Variants in SLC25A31 observed in about 807,000 individuals in gnomAD.
The protein encoded by SLC25A31 is solute carrier family 25 member 31.
A neutral mutation model predicts 36.2 loss-of-function variants in SLC25A31; 40 were observed. That is an observed-to-expected ratio of 1.10 (90% CI 0.86 to 1.44). The LOEUF is 1.44. Ranked by LOEUF, SLC25A31 falls within the 40% of genes most tolerant of loss-of-function variation. The pLI, the probability that SLC25A31 is intolerant of heterozygous loss-of-function variation, is 0.00. For missense variants in SLC25A31, 350 were observed against 397.1 expected, an observed-to-expected ratio of 0.88 and a Z score of 1.01; for synonymous variants, 143 against 149.7, an observed-to-expected ratio of 0.96 and a Z score of 0.32.
intron 3 of SLC25A31, among the ~76,000 whole-genome samples, chr4:127,765,763 A>G (rs1443682832): frequency 6.6e-6 from 1 of 152,216 alleles, no homozygotes; most frequent in Non-Finnish European, 1.5e-5. Context: ...TAGCAGTTTT[A>G]AATAAGTGAT....
intron 3 of SLC25A31, among the ~76,000 whole-genome samples, chr4:127,764,604 A>G (rs1732204595): frequency 6.6e-6 from 1 of 150,946 alleles, no homozygotes; most frequent in Admixed American, 6.6e-5. Flanking sequence ...ACTTAGTCCC[A>G]TTTTTTTTTC....
At chr4:127,772,860 C>CA (rs2148767386) in intron 5 of SLC25A31, among the ~76,000 whole-genome samples, 1 of 150,616 alleles carries the variant, frequency 6.6e-6, no homozygotes, top group Admixed American at 6.6e-5. Flanking sequence ...TGGCTCACTG[C>CA]AACTTTGACC....
At chr4:127,765,807 CA>C (rs981540563) in intron 3 of SLC25A31, among the ~76,000 whole-genome samples, 4 of 151,920 alleles carry the variant, frequency 2.6e-5, no homozygotes, top group African/African-American at 9.7e-5. Flanking sequence ...GCAGTTTGAG[CA>C]AAAATAAAAA....
chr4:127,764,443 T>C, intron 3 of SLC25A31, 83 bp downstream of exon 3: 1 of 1,144,126 alleles, frequency 8.7e-7, no homozygotes, highest in Non-Finnish European at 1.3e-6. Flanking sequence ...TGTGCTATAA[T>C]AGTGTTACCA....
Position 127,767,065 on chromosome 4 carries a change from G to C in SLC25A31, c.479-1G>C, listed in dbSNP as rs35467680. 6.2e-7 allele frequency: 1 copy of C among 1,603,638 alleles called. No homozygotes were observed. The highest frequency in any genetic ancestry group is 1.7e-5 in the Admixed American group (1 of 57,704). ...ATAGATTTTAAATGGCTTTATTTTAGGTCCTGAGGAGCGACAATTCAAGGG... is the reference window on the plus strand; with the variant it reads ...ATAGATTTTAAATGGCTTTATTTTACGTCCTGAGGAGCGACAATTCAAGGG... On this transcript the variant is annotated splice_acceptor_variant, in intron 3 of 5. Transcript: ENST00000281154. LOFTEE classifies it high-confidence loss of function.
chr4:127,744,807 TA>T lies in SLC25A31; in HGVS notation c.360+9del. ...GTTAATAAAGAAAAACAGGTAATTA[TA>T]TTTTTTTTTTACTTTTTTCTTCCAA... is the stretch of plus-strand genomic sequence containing the variant. On this transcript the variant is annotated intron_variant, in intron 2 of 5. Coordinates refer to ENST00000281154, the MANE Select transcript of SLC25A31 (RefSeq NM_031291.4). 2.7e-6 allele frequency: 4 copies of T among 1,469,190 alleles called. No homozygotes were observed. The highest frequency in any genetic ancestry group is 3.7e-6 in the Non-Finnish European group (4 of 1,095,358). The allele number at this position is 1,469,190 out of a possible 1,614,324, so 91.0% of individuals were successfully genotyped here.
intron 2 of SLC25A31, among the ~76,000 whole-genome samples, chr4:127,747,767 G>C (rs1731851345): frequency 6.6e-6 from 1 of 152,144 alleles, no homozygotes; most frequent in Non-Finnish European, 1.5e-5. Flanking sequence ...CCTTGACTCA[G>C]ATTGTTAGTT....
rs114608358 is a variant in SLC25A31, at chr4:127,735,400, A to C, written c.232+4623A>C. Among the ~76,000 whole-genome samples the C allele has an allele frequency of 5.4e-3, 828 of 152,288 alleles. 8 individuals carry two copies. Among genetic ancestry groups the C allele is most frequent in the African/African-American group, 0.019 (794 of 41,556 alleles). ...TTGCTCTAATATCATCTAACATTCA[A>C]GTTTCCCTAACAACCCTATCTAAAT... On this transcript the variant is annotated intron_variant, in intron 1 of 5. Transcript: ENST00000281154.
chr4:127,746,497 T>A (rs1339911620), intron 2 of SLC25A31, among the ~76,000 whole-genome samples: 2 of 152,218 alleles, frequency 1.3e-5, no homozygotes, highest in Non-Finnish European at 2.9e-5. Context: ...TGAGACAGTA[T>A]CACATTGTGG....
chr4:127,753,822 A>G (rs769721523), intron 2 of SLC25A31, among the ~76,000 whole-genome samples: 1 of 152,178 alleles, frequency 6.6e-6, no homozygotes, highest in African/African-American at 2.4e-5. Flanking sequence ...TGAGGTCAGC[A>G]TTACTCTGAT....
chr4:127,752,175 T>C (rs1399095564), intron 2 of SLC25A31, among the ~76,000 whole-genome samples: 1 of 152,098 alleles, frequency 6.6e-6, no homozygotes, highest in Non-Finnish European at 1.5e-5. Context: ...AACCCAAATG[T>C]CCATCAGTGA....
chr4:127,754,861 A>C (rs904033900), intron 2 of SLC25A31, among the ~76,000 whole-genome samples: 2 of 152,230 alleles, frequency 1.3e-5, no homozygotes, highest in African/African-American at 4.8e-5. Context: ...CCACAAAAAG[A>C]ACAGAGCTGG....
At chr4:127,732,109 A>G (rs1578652556) in intron 1 of SLC25A31, among the ~76,000 whole-genome samples, 2 of 152,346 alleles carry the variant, frequency 1.3e-5, no homozygotes, top group East Asian at 3.9e-4. Flanking sequence ...ATCCACCCAT[A>G]TAGTTGGATT....
intron 2 of SLC25A31, among the ~76,000 whole-genome samples, chr4:127,749,891 T>C (rs952325019): frequency 6.6e-6 from 1 of 151,922 alleles, no homozygotes; most frequent in East Asian, 1.9e-4. Flanking sequence ...TAACAAAGAA[T>C]ACTAGGAGAT....
In SLC25A31 at chr4:127,751,471, A is replaced by G. The variant is rs1193518377; in HGVS notation, c.360+6672A>G. Reference sequence around the variant, plus strand: ...TTAGACCTAAAACCATAAAAACCCTAGAAGAAAACCTAGGCAATACCATTC... The same window carrying G: ...TTAGACCTAAAACCATAAAAACCCTGGAAGAAAACCTAGGCAATACCATTC... On this transcript the variant is annotated intron_variant, in intron 2 of 5. Transcript: ENST00000281154. 4.6e-5 allele frequency among the ~76,000 whole-genome samples: 7 copies of G among 152,226 alleles called. No homozygotes were observed. In the East Asian group the frequency reaches 1.3e-3, roughly 29 times the overall value.
intron 1 of SLC25A31, among the ~76,000 whole-genome samples, chr4:127,731,508 A>T (rs1480770219): frequency 6.6e-6 from 1 of 152,140 alleles, no homozygotes; most frequent in East Asian, 1.9e-4. Flanking sequence ...CAGGAGTTCT[A>T]GACAAGCCTG....
chr4:127,756,426 G>A (rs867440567), intron 2 of SLC25A31, among the ~76,000 whole-genome samples: 9 of 152,108 alleles, frequency 5.9e-5, no homozygotes, highest in African/African-American at 2.2e-4. Context: ...TTCTGAGGTC[G>A]ATGGAGCGTG....
rs778384657 is a variant in SLC25A31 at position 127,773,373 on chromosome 4, T to G, written c.760-13T>G. 1.9e-6 allele frequency: 3 copies of G among 1,590,448 alleles called. No individual in the cohort carries two copies. Among genetic ancestry groups the G allele is most frequent in the Non-Finnish European group, 1.7e-6 (2 of 1,172,558 alleles). ...TTCAGATAATGGAAAACCCTTTGTT[T>G]TTCTTTGTATAGAGTGGTGAGGCTA... is the stretch of plus-strand genomic sequence containing the variant. On this transcript the variant is annotated splice_polypyrimidine_tract_variant and intron_variant, in intron 5 of 5. Transcript: ENST00000281154.
chr4:127,763,843 A>G (rs1025422240), intron 2 of SLC25A31, among the ~76,000 whole-genome samples: 2 of 152,222 alleles, frequency 1.3e-5, no homozygotes, highest in Non-Finnish European at 2.9e-5. Flanking sequence ...AAAAGGGCAC[A>G]ACTAAAGCCT....
Sources: gnomAD v4.1 joint callset for allele counts (sites outside exome capture counted in the v4.1 genomes callset) on GRCh38, gnomAD v4.1.1 for gene constraint, MANE v1.5 for transcripts, NCBI Gene and HGNC (gene_info 2026-07-23, HGNC 2026-07-21) for gene names.